The following NAA16 variants were observed in gnomAD, a reference collection of about 807,000 sequenced individuals.
The protein encoded by NAA16 is N-alpha-acetyltransferase 16, NatA auxiliary subunit.
Under a neutral mutation model 110.3 loss-of-function variants are expected in NAA16, and 97 were observed. That is an observed-to-expected ratio of 0.88 (90% CI 0.75 to 1.04). The LOEUF is 1.04. NAA16 is among the 50% of genes least tolerant of loss of function. NAA16 has a pLI of 0.00. For missense variants in NAA16, 1,017 were observed against 1,005.1 expected, an observed-to-expected ratio of 1.01 and a Z score of -0.16; for synonymous variants, 372 against 330.6, an observed-to-expected ratio of 1.13 and a Z score of -1.36.
At chr13:41,355,315 C>A in intron 10 of NAA16, 99 bp downstream of exon 10, 1 of 656,946 alleles carries the variant, frequency 1.5e-6, no homozygotes, top group Non-Finnish European at 2.6e-6. Context: ...TACCTAATGG[C>A]TACTTAATAA....
At chr13:41,346,569 G>A (rs539533037) in intron 9 of NAA16, among the ~76,000 whole-genome samples, 13 of 152,254 alleles carry the variant, frequency 8.5e-5, no homozygotes, top group East Asian at 1.9e-4. Context: ...TTAGGGTAGG[G>A]CAGGGCGAAC....
At chr13:41,332,870 A>G (rs1022531549) in intron 8 of NAA16, among the ~76,000 whole-genome samples, 4 of 152,160 alleles carry the variant, frequency 2.6e-5, no homozygotes, top group African/African-American at 4.8e-5. Flanking sequence ...TTAAAAATTC[A>G]TTTTATACTA....
At chr13:41,319,661 T>C (rs1365980314) in intron 3 of NAA16, among the ~76,000 whole-genome samples, 1 of 152,048 alleles carries the variant, frequency 6.6e-6, no homozygotes, top group Non-Finnish European at 1.5e-5. Context: ...GGACTACAGG[T>C]GTGTGCCACC....
intron 13 of NAA16, among the ~76,000 whole-genome samples, chr13:41,365,129 G>T (rs544100441): frequency 3.9e-5 from 6 of 152,072 alleles, no homozygotes; most frequent in Non-Finnish European, 8.8e-5. Flanking sequence ...TTCATGTTTG[G>T]CCAAAAGGTA....
intron 18 of NAA16, chr13:41,374,523 C>G (rs781263696): frequency 1.7e-5 from 6 of 358,586 alleles, no homozygotes; most frequent in Non-Finnish European, 3.0e-5. Flanking sequence ...AGTGTATTTT[C>G]ATGATATAAA....
At chr13:41,336,460 A>G (rs566647632) in intron 8 of NAA16, among the ~76,000 whole-genome samples, 190 bp from the exon 9 acceptor site, 12 of 152,338 alleles carry the variant, frequency 7.9e-5, no homozygotes, top group African/African-American at 2.9e-4. Flanking sequence ...AGAGATTAGG[A>G]AAGATATTTG....
chr13:41,330,493 C>T (rs1222770692), intron 7 of NAA16, among the ~76,000 whole-genome samples: 1 of 151,968 alleles, frequency 6.6e-6, no homozygotes, highest in Non-Finnish European at 1.5e-5. Flanking sequence ...AGTTCAAAAA[C>T]AGGTTTGTTT....
intron 2 of NAA16, 129 bp downstream of exon 2, chr13:41,317,059 AT>A: frequency 3.1e-6 from 2 of 639,804 alleles, no homozygotes; most frequent in South Asian, 1.8e-5. Context: ...AATGTTCAGC[AT>A]TTTTTTAATG....
At chr13:41,368,914 A>G (rs1457842907) in intron 14 of NAA16, among the ~76,000 whole-genome samples, 176 bp from the exon 15 acceptor site, 3 of 152,210 alleles carry the variant, frequency 2.0e-5, no homozygotes, top group South Asian at 4.1e-4. Context: ...TTGTATGGAA[A>G]TACTGTGTCA....
Position 41,375,649 on chromosome 13 carries a change from T to C in NAA16, c.*47T>C. ...CTATAGACTCAAAGCTGAATTGAGATCAGGGTTTCTTTTCCAGGGTGCATT... is the reference window on the plus strand; with the variant it reads ...CTATAGACTCAAAGCTGAATTGAGACCAGGGTTTCTTTTCCAGGGTGCATT... On this transcript the variant is annotated 3_prime_UTR_variant, in exon 20 of 20. Coordinates refer to ENST00000379406, the MANE Select transcript of NAA16 (RefSeq NM_024561.5). The C allele has an allele frequency of 7.1e-7, 1 of 1,409,372 alleles. No individual in the cohort carries two copies. The highest frequency in any genetic ancestry group is 9.6e-7 in the Non-Finnish European group (1 of 1,038,118). 87.3% of individuals were successfully genotyped at this position (1,409,372 alleles called of 1,614,324 possible). A position where few individuals can be genotyped will look rare whatever the true frequency, so the allele number is the denominator to read the frequency against.
intron 1 of NAA16, among the ~76,000 whole-genome samples, chr13:41,316,466 C>G (rs2041813937): frequency 6.6e-6 from 1 of 151,978 alleles, no homozygotes; most frequent in Non-Finnish European, 1.5e-5. Flanking sequence ...ACCACCACAC[C>G]CAGCTAATTT....
intron 14 of NAA16, among the ~76,000 whole-genome samples, chr13:41,368,715 CATT>C (rs1159019834): frequency 5.3e-5 from 8 of 151,900 alleles, no homozygotes; most frequent in Non-Finnish European, 1.0e-4. Context: ...TTTTTCTTGT[CATT>C]ATTAGTATTT....
intron 9 of NAA16, among the ~76,000 whole-genome samples, chr13:41,350,237 T>C (rs575670859): frequency 6.6e-6 from 1 of 151,254 alleles, no homozygotes; most frequent in Non-Finnish European, 1.5e-5. Flanking sequence ...CACTCCAGCC[T>C]GGGTAACACA....
chr13:41,374,902 A>G, intron 19 of NAA16, 63 bp downstream of exon 19: 1 of 993,862 alleles, frequency 1.0e-6, no homozygotes, highest in Non-Finnish European at 1.5e-6. Context: ...GTGTCTTTAC[A>G]GCATAATTCT....
intron 1 of NAA16, among the ~76,000 whole-genome samples, chr13:41,314,529 A>G (rs1025793513): frequency 5.3e-5 from 8 of 152,202 alleles, no homozygotes; most frequent in African/African-American, 1.9e-4. Context: ...AGGCCTCAAT[A>G]TAAACTTTTT....
intron 5 of NAA16, among the ~76,000 whole-genome samples, chr13:41,325,332 A>G (rs181883867): frequency 6.4e-4 from 98 of 152,220 alleles, no homozygotes; most frequent in Middle Eastern, 3.4e-3. Context: ...CAAACCCACA[A>G]TATCTCCAAG....
intron 7 of NAA16, among the ~76,000 whole-genome samples, chr13:41,329,751 C>T (rs1311156968): frequency 6.6e-6 from 1 of 151,876 alleles, no homozygotes; most frequent in Non-Finnish European, 1.5e-5. Context: ...CAGCAAAGCT[C>T]ATATGTGTGA....
chr13:41,323,652 ATTT>A (rs149585307), intron 5 of NAA16, among the ~76,000 whole-genome samples: 1 of 137,272 alleles, frequency 7.3e-6, no homozygotes, highest in Non-Finnish European at 1.6e-5. Context: ...GCGCCCGGCC[ATTT>A]TTTTTTTTTT....
rs1489125588 is a variant in NAA16 at position 41,372,165 on chromosome 13, A to C, written c.1948-38A>C. On this transcript the variant is annotated intron_variant, in intron 15 of 19. Coordinates refer to ENST00000379406, the MANE Select transcript of NAA16 (RefSeq NM_024561.5). ...TTTAGGGGAAATTTGACTTGTTCTG[A>C]TGTTTTTTAAATAATTTTCCTTTCT... 3.5e-6 allele frequency: 5 copies of C among 1,448,258 alleles called. No homozygotes were observed. In the East Asian group the frequency reaches 1.2e-4, roughly 35 times the overall value. 89.7% of individuals were successfully genotyped at this position (1,448,258 alleles called of 1,614,324 possible). A position where few individuals can be genotyped will look rare whatever the true frequency, so the allele number is the denominator to read the frequency against.
Sources: allele counts gnomAD v4.1 joint callset (sites outside exome capture counted in the v4.1 genomes callset), GRCh38; gene constraint gnomAD v4.1.1; transcripts MANE v1.5; gene names NCBI Gene and HGNC (gene_info 2026-07-23, HGNC 2026-07-21).